Variants in ADGRG3 observed in about 807,000 individuals in gnomAD.
ADGRG3 encodes G protein-coupled receptor 97.
ADGRG3 carries 39 observed loss-of-function variants against 54.3 expected under a neutral mutation model. That is an observed-to-expected ratio of 0.72 (90% CI 0.56 to 0.94). The LOEUF is 0.94. Among genes scored for constraint, ADGRG3 ranks in the 40% least tolerant of loss-of-function variants. The probability of loss-of-function intolerance (pLI) is 0.00; values close to 1 mark genes in which losing one functional copy is unlikely to be tolerated. For missense variants in ADGRG3, 654 were observed against 694.6 expected, an observed-to-expected ratio of 0.94 and a Z score of 0.66; for synonymous variants, 312 against 290.0, an observed-to-expected ratio of 1.08 and a Z score of -0.77.
chr16:57,666,278 A>G (rs796550934), upstream of ADGRG3, among the ~76,000 whole-genome samples: 6 of 152,170 alleles, frequency 3.9e-5, no homozygotes, highest in African/African-American at 1.2e-4. Context: ...CTTCTCAAAC[A>G]TTTTGTTTCT....
At chr16:57,667,999 C>T (rs1258344234), upstream of ADGRG3, among the ~76,000 whole-genome samples, 5 of 152,226 alleles carry the variant, frequency 3.3e-5, no homozygotes, top group Non-Finnish European at 5.9e-5. Flanking sequence ...AAAGCCTGTG[C>T]TCACCACAGT....
At chr16:57,684,532 C>A in intron 10 of ADGRG3, 49 bp downstream of exon 10, 2 of 1,357,040 alleles carry the variant, frequency 1.5e-6, no homozygotes, top group Non-Finnish European at 2.1e-6. Flanking sequence ...CCCGGCTACA[C>A]ATATTGGGGC....
chr16:57,686,868 G>A lies in ADGRG3; in HGVS notation c.1540+942G>A, dbSNP rs111473336. 6.8e-3 allele frequency: 1,033 copies of A among 152,374 alleles called. 7 individuals are homozygous for A. Among genetic ancestry groups the A allele is most frequent in the Non-Finnish European group, 9.3e-3 (632 of 68,062 alleles). The allele number at this position is 152,374 out of a possible 1,614,324, so 9.4% of individuals were successfully genotyped here. A position where few individuals can be genotyped will look rare whatever the true frequency, so the allele number is the denominator to read the frequency against. ...CTTGCTGTATTTGTTACTGGCCCCC[G>A]CAGGGCCCTTCCTCTGAGATCCCAG... On this transcript the variant is annotated intron_variant, in intron 11 of 11. Transcript: ENST00000333493.
At chr16:57,672,203 G>C (rs2048175160) in intron 1 of ADGRG3, among the ~76,000 whole-genome samples, 1 of 151,840 alleles carries the variant, frequency 6.6e-6, no homozygotes, top group African/African-American at 2.4e-5. Flanking sequence ...AAGATATATT[G>C]TTAAGTGATC....
At position 57,688,962 on chromosome 16, in the gene ADGRG3, C is replaced by G. The variant is rs1466653831; in HGVS notation, c.*501C>G. 6.2e-6 allele frequency: 1 copy of G among 160,702 alleles called. No individual in the cohort carries two copies. Among genetic ancestry groups the G allele is most frequent in the Non-Finnish European group, 1.4e-5 (1 of 72,488 alleles). The allele number at this position is 160,702 out of a possible 1,614,324, so 10.0% of individuals were successfully genotyped here. On this transcript the variant is annotated 3_prime_UTR_variant, in exon 12 of 12. Transcript: ENST00000333493. Reference sequence around the variant, plus strand: ...GGGGGTGGGAGTTGATCCTCCCACCCAGTCTGCCCCTGGTCTCTGCCCATC... The same window carrying G: ...GGGGGTGGGAGTTGATCCTCCCACCGAGTCTGCCCCTGGTCTCTGCCCATC...
intron 6 of ADGRG3, 60 bp downstream of exon 6, chr16:57,679,915 TGGGGC>T: frequency 7.2e-7 from 1 of 1,380,762 alleles, no homozygotes; most frequent in Non-Finnish European, 1.0e-6. Flanking sequence ...GGCTGCATTG[TGGGGC>T]GGGGCTAGCT....
At position 57,684,138 on chromosome 16, in the gene ADGRG3, T is replaced by C; in HGVS notation, c.1088T>C (p.Leu363Pro). 1 of 1,614,068 alleles carries C rather than the reference T, an allele frequency of 6.2e-7. No homozygotes were observed. The highest frequency in any genetic ancestry group is 8.5e-7 in the Non-Finnish European group (1 of 1,179,964). The change falls in exon 9 of 12, where the codon CTC becomes CCC. Residue 363 changes from leucine to proline, a missense_variant. Leu to Pro is a moderately conservative substitution (Grantham distance 98). Transcript: ENST00000333493. ...TGGATGGGCCTTGAAGCCTTCCACC[T>C]CTACCTGCTCGCTGTCAGGGTCTTC... ...FTWMGLEAFH[L>P]YLLAVRVFNT...
chr16:57,684,073 G>C lies in ADGRG3; in HGVS notation c.1023G>C (p.Arg341=). The C allele has an allele frequency of 6.2e-7, 1 of 1,614,078 alleles. No individual in the cohort carries two copies. The highest frequency in any genetic ancestry group is 8.5e-7 in the Non-Finnish European group (1 of 1,179,980). The part of the protein sequence containing the change: ...SKGSDAACWA[R]GAVFHYFLLC... ...GGTCTGATGCTGCCTGCTGGGCCCG[G>C]GGGGCTGTCTTCCACTACTTCCTGC... Residue 341 remains arginine (R), a synonymous_variant, in exon 9 of 12, where the codon CGG becomes CGC. Coordinates refer to ENST00000333493, the MANE Select transcript of ADGRG3 (RefSeq NM_170776.5).
chr16:57,682,303 C>A (rs2048388128), intron 8 of ADGRG3, among the ~76,000 whole-genome samples: 1 of 152,202 alleles, frequency 6.6e-6, no homozygotes, highest in South Asian at 2.1e-4. Flanking sequence ...CTGGGGGTCC[C>A]TGGGGGTGGC....
In ADGRG3 at chr16:57,689,110, C is replaced by T. The variant is rs1384510314; in HGVS notation, c.*649C>T. On this transcript the variant is annotated 3_prime_UTR_variant, in exon 12 of 12. Transcript: ENST00000333493. Reference sequence around the variant, plus strand: ...GGGTGAGCTACCTTGGGCAAACCCCCCACTCCTGACTCTGACTGCCACGTG... The same window carrying T: ...GGGTGAGCTACCTTGGGCAAACCCCTCACTCCTGACTCTGACTGCCACGTG... The T allele has an allele frequency of 6.5e-6, 1 of 153,786 alleles. No individual in the cohort carries two copies. The highest frequency in any genetic ancestry group is 1.4e-5 in the Non-Finnish European group (1 of 69,146). 9.5% of individuals were successfully genotyped at this position (153,786 alleles called of 1,614,324 possible).
At chr16:57,670,469 C>A (rs1311761009) in intron 1 of ADGRG3, among the ~76,000 whole-genome samples, 2 of 152,058 alleles carry the variant, frequency 1.3e-5, no homozygotes, top group East Asian at 3.9e-4. Context: ...CTCAAGCTGA[C>A]AATGTTATCT....
chr16:57,682,509 T>C (rs1424302454), intron 8 of ADGRG3: 2 of 985,188 alleles, frequency 2.0e-6, no homozygotes, highest in Non-Finnish European at 2.4e-6. Context: ...ATGGTCCCCA[T>C]CCCCAACAAG....
intron 1 of ADGRG3, among the ~76,000 whole-genome samples, chr16:57,670,957 C>A (rs115868223): frequency 0.011 from 1,746 of 152,258 alleles, 34 homozygotes; most frequent in African/African-American, 0.04. Flanking sequence ...CAGCCCCCAG[C>A]ACCACCCATC....
rs147304307 is a variant in ADGRG3, at chr16:57,672,585, GTTGT to G, written c.59-733_59-730del. 5.6e-3 allele frequency among the ~76,000 whole-genome samples: 849 copies of G among 152,292 alleles called. 5 individuals are homozygous for G. The highest frequency in any genetic ancestry group is 9.8e-3 in the Non-Finnish European group (665 of 68,024). Reference sequence around the variant, plus strand: ...TTGCTGGCAAAAGATTGAGCCTCAGGTTGTTTAAGTAACTTGCCTCAGGACATAC... The same window carrying G: ...TTGCTGGCAAAAGATTGAGCCTCAGGTTAAGTAACTTGCCTCAGGACATAC... On this transcript the variant is annotated intron_variant, in intron 1 of 11. Transcript: ENST00000333493.
rs143343064 is a variant in ADGRG3, at chr16:57,673,433, G to A, written c.171G>A (p.Ser57=). ...KALCFTKCRQ[S]GSDSCNVENL... is the part of the protein sequence containing the mutation. ...TGTGCTTCACCAAGTGCAGGCAGTC[G>A]GGCAGCGACTCCTGCAATGTGGAAA... The change falls in exon 2 of 12, where the codon TCG becomes TCA. Residue 57 remains serine (S), a synonymous_variant. Transcript: ENST00000333493. 3,244 of 1,611,590 alleles carry A rather than the reference G, an allele frequency of 2.0e-3. 5 individuals are homozygous for A. Among genetic ancestry groups the A allele is most frequent in the Non-Finnish European group, 2.6e-3 (3,074 of 1,177,784 alleles).
At chr16:57,671,726 A>T (rs2148694499) in intron 1 of ADGRG3, among the ~76,000 whole-genome samples, 1 of 152,362 alleles carries the variant, frequency 6.6e-6, no homozygotes, top group East Asian at 1.9e-4. Flanking sequence ...AGCTGAAAAG[A>T]TGCACACTCA....
rs571265296 is a variant in ADGRG3, at chr16:57,685,981, T to C, written c.1540+55T>C. The C allele has an allele frequency of 1.1e-4, 172 of 1,560,680 alleles. No homozygotes were observed. In the African/African-American group the frequency reaches 1.9e-3, roughly 18 times the overall value. ...GCTGTGTTGTCTGTCCCAGGAGGTA[T>C]TGGGAGGTGGGGAAGAGGGTGGTTT... is the stretch of plus-strand genomic sequence containing the variant. On this transcript the variant is annotated intron_variant, in intron 11 of 11. Coordinates refer to ENST00000333493, the MANE Select transcript of ADGRG3 (RefSeq NM_170776.5).
intron 10 of ADGRG3, among the ~76,000 whole-genome samples, chr16:57,684,862 C>T (rs1296363948): frequency 6.6e-6 from 1 of 152,204 alleles, no homozygotes; most frequent in Non-Finnish European, 1.5e-5. Context: ...CCCCCACCTG[C>T]TGCCCAGCCA....
In ADGRG3 at chr16:57,687,444, G is replaced by T. The variant is rs572812015; in HGVS notation, c.1541-908G>T. Among the ~76,000 whole-genome samples the T allele has an allele frequency of 1.4e-4, 22 of 152,222 alleles. No homozygotes were observed. In the East Asian group the frequency reaches 4.2e-3, roughly 29 times the overall value. ...TTTTTGAATTTTTAGTAGAAATGGG[G>T]TTTCACCATACTGGTCAGGCTGGTC... On this transcript the variant is annotated intron_variant, in intron 11 of 11. Transcript: ENST00000333493.
Sources: gnomAD v4.1 joint callset for allele counts (sites outside exome capture counted in the v4.1 genomes callset) on GRCh38, gnomAD v4.1.1 for gene constraint, MANE v1.5 for transcripts, NCBI Gene and HGNC (gene_info 2026-07-23, HGNC 2026-07-21) for gene names.